COL25A1: variants seen among roughly 807,000 people sequenced by gnomAD.
The protein encoded by COL25A1 is collagen type XXV alpha 1 chain, also known as collagen alpha-1(XXV) chain.
In COL25A1, 103 loss-of-function variants were observed where a neutral mutation model predicts 128.4. The ratio of observed to expected loss-of-function variants is 0.80; its 90% CI spans 0.68 to 0.94. COL25A1 has a LOEUF of 0.94. COL25A1 is among the 40% of genes least tolerant of loss of function. The pLI, the probability that COL25A1 is intolerant of heterozygous loss-of-function variation, is 0.00. For missense variants in COL25A1, 745 were observed against 840.0 expected (o/e 0.89, Z 1.40); for synonymous variants, 279 against 277.2 (o/e 1.01, Z -0.06).
intron 5 of COL25A1, among the ~76,000 whole-genome samples, chr4:109,026,205 G>GGTAAT (rs776251544): frequency 2.6e-5 from 4 of 151,572 alleles, no homozygotes; most frequent in African/African-American, 9.7e-5. Context: ...CCTGACTAGG[G>GGTAAT]GTAATGTAAT....
chr4:108,934,158 A>C (rs1747120998), intron 11 of COL25A1, among the ~76,000 whole-genome samples: 1 of 152,164 alleles, frequency 6.6e-6, no homozygotes, highest in Admixed American at 6.6e-5. Flanking sequence ...GCAGCCATAA[A>C]AAAGGATGAG....
chr4:109,122,478 GAGA>G (rs1359295424), intron 3 of COL25A1, among the ~76,000 whole-genome samples: 1 of 152,012 alleles, frequency 6.6e-6, no homozygotes, highest in Non-Finnish European at 1.5e-5. Context: ...GAATCGAGGG[GAGA>G]AGAAGGGAAG....
intron 3 of COL25A1, among the ~76,000 whole-genome samples, chr4:109,259,857 AAAC>A (rs1781315705): frequency 6.6e-6 from 1 of 152,224 alleles, no homozygotes; most frequent in South Asian, 2.1e-4. Context: ...ACCAGTTTCA[AAAC>A]AACAGAAAAA....
intron 3 of COL25A1, among the ~76,000 whole-genome samples, chr4:109,180,248 A>G (rs1340013384): frequency 6.6e-6 from 1 of 152,192 alleles, no homozygotes; most frequent in Non-Finnish European, 1.5e-5. Context: ...CAACACTGCC[A>G]AAGTAGCCTC....
intron 3 of COL25A1, among the ~76,000 whole-genome samples, chr4:109,218,345 T>TGG (rs1410209282): frequency 1.1e-4 from 16 of 144,536 alleles, no homozygotes; most frequent in African/African-American, 4.3e-4. Flanking sequence ...AATCAATTGC[T>TGG]GGTTTTTTGG....
chr4:109,113,181 G>GA (rs1168742690), intron 3 of COL25A1, among the ~76,000 whole-genome samples: 3 of 152,064 alleles, frequency 2.0e-5, no homozygotes, highest in Non-Finnish European at 2.9e-5. Context: ...ATCTCTTTGG[G>GA]AAAAAAATGT....
At chr4:109,000,915 G>A (rs372176037) in intron 6 of COL25A1, among the ~76,000 whole-genome samples, 1 of 151,696 alleles carries the variant, frequency 6.6e-6, no homozygotes, top group Non-Finnish European at 1.5e-5. Flanking sequence ...AACTGAGTGT[G>A]TCTAAGGATT....
chr4:108,939,740 C>A (rs1441756264), intron 10 of COL25A1, among the ~76,000 whole-genome samples: 1 of 151,718 alleles, frequency 6.6e-6, no homozygotes, highest in Non-Finnish European at 1.5e-5. Context: ...CAGTAATAAA[C>A]CTTAATTTCT....
intron 5 of COL25A1, among the ~76,000 whole-genome samples, chr4:109,030,612 C>T (rs1758753017): frequency 6.6e-6 from 1 of 152,216 alleles, no homozygotes; most frequent in South Asian, 2.1e-4. Flanking sequence ...CATGTAGACT[C>T]TCTGGTCTGT....
intron 12 of COL25A1, among the ~76,000 whole-genome samples, chr4:108,918,656 C>T (rs376775928): frequency 2.8e-4 from 42 of 152,248 alleles, no homozygotes; most frequent in African/African-American, 9.4e-4. Context: ...AATAAGGGGC[C>T]CATGTCGCAA....
At chr4:108,886,245 C>G (rs968337636) in intron 18 of COL25A1, among the ~76,000 whole-genome samples, 1 of 152,002 alleles carries the variant, frequency 6.6e-6, no homozygotes, top group Non-Finnish European at 1.5e-5. Context: ...TAATGTTACC[C>G]TTTGTGGAAC....
intron 32 of COL25A1, 75 bp downstream of exon 32, chr4:108,832,305 C>G: frequency 2.0e-6 from 2 of 1,009,406 alleles, no homozygotes; most frequent in Non-Finnish European, 3.0e-6. Flanking sequence ...GAAAAATGAA[C>G]AGTTAAATTA....
chr4:109,168,031 T>G (rs1241952995), intron 3 of COL25A1, among the ~76,000 whole-genome samples: 2 of 152,124 alleles, frequency 1.3e-5, no homozygotes, highest in Non-Finnish European at 2.9e-5. Context: ...TTTTTTAGGT[T>G]GCCATTTATG....
intron 16 of COL25A1, among the ~76,000 whole-genome samples, chr4:108,890,096 G>A (rs778932978): frequency 6.6e-6 from 1 of 152,140 alleles, no homozygotes; most frequent in Non-Finnish European, 1.5e-5. Context: ...ACAATTTAGG[G>A]GTATGGAACT....
At chr4:108,931,873 T>C (rs34333670) in intron 11 of COL25A1, among the ~76,000 whole-genome samples, 2,886 of 152,304 alleles carry the variant, frequency 0.019, 51 homozygotes, top group Non-Finnish European at 0.033. Context: ...GTGCCATTTA[T>C]ATGTACTTCA....
intron 3 of COL25A1, among the ~76,000 whole-genome samples, chr4:109,257,346 C>G (rs766605084): frequency 1.3e-5 from 2 of 152,144 alleles, no homozygotes; most frequent in African/African-American, 2.4e-5. Flanking sequence ...AGTATTAACT[C>G]ATTCCATGCT....
At chr4:109,250,369 T>TATACACACACACACACACAC (rs1780563640) in intron 3 of COL25A1, among the ~76,000 whole-genome samples, 1 of 134,866 alleles carries the variant, frequency 7.4e-6, no homozygotes, top group Non-Finnish European at 1.5e-5. Flanking sequence ...AAGTAGGAGA[T>TATACACACACACACACACAC]ACACACACAC....
intron 6 of COL25A1, among the ~76,000 whole-genome samples, chr4:108,980,705 ATT>A (rs1481030774): frequency 1.3e-5 from 2 of 152,058 alleles, no homozygotes; most frequent in African/African-American, 4.8e-5. Context: ...CCTTTATCAC[ATT>A]TTCTTTCCTC....
chr4:109,124,535 A>C (rs1447435765), intron 3 of COL25A1, among the ~76,000 whole-genome samples: 1 of 152,046 alleles, frequency 6.6e-6, no homozygotes, highest in African/African-American at 2.4e-5. Flanking sequence ...AAGACTGAAG[A>C]ATTAAAATTT....
Sources: gnomAD v4.1 joint callset for allele counts (sites outside exome capture counted in the v4.1 genomes callset) on GRCh38, gnomAD v4.1.1 for gene constraint, MANE v1.5 for transcripts, NCBI Gene and HGNC (gene_info 2026-07-23, HGNC 2026-07-21) for gene names.